LSAMP: variants seen among roughly 807,000 people sequenced by gnomAD.
LSAMP encodes limbic system associated membrane protein.
Under a neutral mutation model 38.6 loss-of-function variants are expected in LSAMP, and 7 were observed. The ratio of observed to expected loss-of-function variants is 0.18; its 90% confidence interval spans 0.10 to 0.34. The LOEUF (loss-of-function observed/expected upper bound fraction) is 0.34. Ranked by LOEUF, LSAMP falls within the 10% of genes least tolerant of loss-of-function variation. The pLI, the probability that LSAMP is intolerant of heterozygous loss-of-function variation, is 1.00. For synonymous variants in LSAMP, 154 were observed against 166.8 expected, an observed-to-expected ratio of 0.92 and a Z score of 0.59; for missense variants, 313 against 420.0, an observed-to-expected ratio of 0.75 and a Z score of 2.23.
chr3:115,962,938 T>C (rs1460521129), intron 3 of LSAMP, among the ~76,000 whole-genome samples: 1 of 152,202 alleles, frequency 6.6e-6, no homozygotes, highest in Non-Finnish European at 1.5e-5. Flanking sequence ...CATAAGCTAC[T>C]ATGTTCTGAG....
At chr3:116,124,856 A>T (rs1409610432) in intron 1 of LSAMP, among the ~76,000 whole-genome samples, 5 of 152,208 alleles carry the variant, frequency 3.3e-5, no homozygotes, top group African/African-American at 9.6e-5. Context: ...CATTTTACAC[A>T]TGCAAAGGGT....
At chr3:115,897,300 A>T (rs1225792876) in intron 3 of LSAMP, among the ~76,000 whole-genome samples, 1 of 152,122 alleles carries the variant, frequency 6.6e-6, no homozygotes, top group Non-Finnish European at 1.5e-5. Context: ...GAGCAGCATG[A>T]AACTCACTAA....
chr3:116,349,839 A>T (rs1215771793), intron 1 of LSAMP, among the ~76,000 whole-genome samples: 1 of 152,070 alleles, frequency 6.6e-6, no homozygotes, highest in Non-Finnish European at 1.5e-5. Flanking sequence ...GGAAATAAAA[A>T]AAGAAGACGT....
chr3:116,323,221 A>G (rs1357827207), intron 1 of LSAMP, among the ~76,000 whole-genome samples: 1 of 152,118 alleles, frequency 6.6e-6, no homozygotes, highest in Non-Finnish European at 1.5e-5. Flanking sequence ...ACTTTCCACA[A>G]ATATCCATCC....
chr3:116,034,765 T>C (rs1320114630), intron 2 of LSAMP, among the ~76,000 whole-genome samples: 1 of 152,174 alleles, frequency 6.6e-6, no homozygotes, highest in Non-Finnish European at 1.5e-5. Context: ...TTGCCCTTCC[T>C]CTAATGATTA....
chr3:116,192,147 A>T (rs1260957592), intron 1 of LSAMP, among the ~76,000 whole-genome samples: 1 of 152,254 alleles, frequency 6.6e-6, no homozygotes, highest in Non-Finnish European at 1.5e-5. Context: ...TGTTAAATTC[A>T]TGGGAACAGA....
intron 3 of LSAMP, among the ~76,000 whole-genome samples, chr3:115,926,079 T>C (rs74504312): frequency 0.023 from 3,570 of 152,224 alleles, 163 homozygotes; most frequent in African/African-American, 0.08. Flanking sequence ...GGGAGTTTGC[T>C]AAACTGTTAT....
chr3:115,963,949 C>T (rs1938711230), intron 3 of LSAMP, among the ~76,000 whole-genome samples: 1 of 151,916 alleles, frequency 6.6e-6, no homozygotes, highest in Non-Finnish European at 1.5e-5. Context: ...GATAGAGTCT[C>T]CCTATGTTGC....
At chr3:116,050,328 C>G (rs1034990456) in intron 2 of LSAMP, among the ~76,000 whole-genome samples, 7 of 152,030 alleles carry the variant, frequency 4.6e-5, no homozygotes, top group African/African-American at 9.7e-5. Flanking sequence ...TGTTACTAGC[C>G]CCAGAGCACT....
At chr3:115,918,113 G>A (rs1335073241) in intron 3 of LSAMP, among the ~76,000 whole-genome samples, 1 of 152,096 alleles carries the variant, frequency 6.6e-6, no homozygotes, top group Admixed American at 6.6e-5. Context: ...TGATCCTTCA[G>A]GTCACTGGCC....
chr3:116,382,186 C>T (rs1294352977), intron 1 of LSAMP, among the ~76,000 whole-genome samples: 1 of 151,950 alleles, frequency 6.6e-6, no homozygotes, highest in African/African-American at 2.4e-5. Context: ...AATCATGCTG[C>T]TATAAAGACA....
chr3:115,977,362 A>C (rs1394154913), intron 3 of LSAMP, among the ~76,000 whole-genome samples: 1 of 152,220 alleles, frequency 6.6e-6, no homozygotes, highest in Non-Finnish European at 1.5e-5. Flanking sequence ...TAATTCAAGC[A>C]TCAAGAGTAG....
At chr3:115,922,061 TTTC>T (rs1222891419) in intron 3 of LSAMP, among the ~76,000 whole-genome samples, 2 of 152,186 alleles carry the variant, frequency 1.3e-5, no homozygotes, top group Non-Finnish European at 2.9e-5. Flanking sequence ...GCAGTGTGAA[TTTC>T]TTTGAATTTA....
intron 1 of LSAMP, among the ~76,000 whole-genome samples, chr3:116,289,423 T>TC (rs2047234890): frequency 6.6e-6 from 1 of 152,228 alleles, no homozygotes; most frequent in Admixed American, 6.5e-5. Context: ...AATTTTTTTT[T>TC]CAAGAAAACA....
chr3:116,024,576 C>T lies in LSAMP; in HGVS notation c.389-4936G>A, dbSNP rs536204009. On this transcript the variant is annotated intron_variant, in intron 2 of 6. Coordinates refer to ENST00000490035, the MANE Select transcript of LSAMP (RefSeq NM_002338.5). ...AACTACAGGCTTTTCTGAGTTTTAA[C>T]GTCTTTGTTTCTTTTTCTGTGAGGA... 3.3e-5 allele frequency among the ~76,000 whole-genome samples: 5 copies of T among 152,160 alleles called. No individual in the cohort carries two copies. The East Asian group carries it at 5.8e-4, about 18-fold the overall frequency.
intron 1 of LSAMP, among the ~76,000 whole-genome samples, chr3:116,168,429 C>T (rs1710113909): frequency 6.6e-6 from 1 of 152,174 alleles, no homozygotes; most frequent in South Asian, 2.1e-4. Context: ...CACCCCTTGT[C>T]ATGATTGCCA....
intron 3 of LSAMP, among the ~76,000 whole-genome samples, chr3:115,937,437 TC>T (rs1307160187): frequency 6.6e-6 from 1 of 151,896 alleles, no homozygotes; most frequent in Admixed American, 6.6e-5. Context: ...GCCCAGGAGT[TC>T]AAGACCAGCC....
intron 1 of LSAMP, among the ~76,000 whole-genome samples, chr3:116,231,270 TCA>T (rs2046399664): frequency 6.6e-6 from 1 of 152,200 alleles, no homozygotes; most frequent in Non-Finnish European, 1.5e-5. Flanking sequence ...GACACAGTTC[TCA>T]CATATTCAAT....
intron 2 of LSAMP, among the ~76,000 whole-genome samples, chr3:116,041,934 T>C (rs528430467): frequency 6.6e-6 from 1 of 152,310 alleles, no homozygotes; most frequent in South Asian, 2.1e-4. Context: ...TGGATATGTT[T>C]GGATGATTAA....
Sources: allele counts gnomAD v4.1 joint callset (sites outside exome capture counted in the v4.1 genomes callset), GRCh38; gene constraint gnomAD v4.1.1; transcripts MANE v1.5; gene names NCBI Gene and HGNC (gene_info 2026-07-23, HGNC 2026-07-21).